The following ENPP5 variants were observed in gnomAD, a reference collection of about 807,000 sequenced individuals.
The protein encoded by ENPP5 is ectonucleotide pyrophosphatase/phosphodiesterase family member 5, also known as E-NPP 5.
In ENPP5, 27 loss-of-function variants were observed where a neutral mutation model predicts 33.7. That is an observed-to-expected ratio of 0.80 (90% CI 0.59 to 1.11). ENPP5 has a LOEUF of 1.11. Among genes scored for constraint, ENPP5 ranks in the 50% least tolerant of loss-of-function variants. The pLI is 0.00. For missense variants in ENPP5, 552 were observed against 579.2 expected, an observed-to-expected ratio of 0.95 and a Z score of 0.48; for synonymous variants, 199 against 200.5, an observed-to-expected ratio of 0.99 and a Z score of 0.06.
At position 46,167,591 on chromosome 6, in the gene ENPP5, C is replaced by T. The variant is rs779258399; in HGVS notation, c.672G>A (p.Lys224=). 6.2e-7 allele frequency: 1 copy of T among 1,614,148 alleles called. No individual in the cohort carries two copies. The highest frequency in any genetic ancestry group is 1.1e-5 in the South Asian group (1 of 91,068). ...KLGYLIQMLK[K]AKLWNTLNLI... ...GGTTCAGAGTGTTCCACAACTTTGC[C>T]TTTTTCAGCATTTGTATGAGATATC... Residue 224 remains lysine, a synonymous_variant, in exon 3 of 5, where the codon AAG becomes AAA. Coordinates refer to ENST00000371383, the MANE Select transcript of ENPP5 (RefSeq NM_001290072.2).
At position 46,167,983 on chromosome 6, in the gene ENPP5, C is replaced by A. The variant is rs138463479; in HGVS notation, c.280G>T (p.Asp94Tyr). ...TTGTTCCGAATAGGATCAAACATAT[C>A]ATTTGCAACAATCCCATGATTCTCT... ...FAENHGIVAN[D>Y]MFDPIRNKSF... The change falls in exon 3 of 5, where the codon GAT becomes TAT. Residue 94 changes from aspartate (D) to tyrosine (Y), a missense_variant. Physicochemically the swap from Asp to Tyr is radical, Grantham distance 160. Coordinates refer to ENST00000371383, the MANE Select transcript of ENPP5 (RefSeq NM_001290072.2). The A allele has an allele frequency of 4.4e-4, 706 of 1,614,188 alleles. 2 individuals are homozygous for A. Among genetic ancestry groups the A allele is most frequent in the Middle Eastern group, 4.3e-3 (26 of 6,062 alleles).
intron 2 of ENPP5, among the ~76,000 whole-genome samples, chr6:46,168,511 C>T (rs1288828300): frequency 2.0e-5 from 3 of 152,114 alleles, no homozygotes; most frequent in Admixed American, 2.0e-4. Flanking sequence ...TTTTTCACTT[C>T]TGAGAATTTA....
In ENPP5 at chr6:46,165,380, T is replaced by C. The variant is rs1253261582; in HGVS notation, c.1006+7A>G. ...CAGAATGGAAAGAAATACTGTAACA[T>C]ACTCACACAGAAAGTCATCTGACTT... On this transcript the variant is annotated splice_region_variant and intron_variant, in intron 4 of 4. Coordinates refer to ENST00000371383, the MANE Select transcript of ENPP5 (RefSeq NM_001290072.2). The C allele has an allele frequency of 1.3e-6, 2 of 1,554,892 alleles. No homozygotes were observed. The highest frequency in any genetic ancestry group is 2.7e-5 in the African/African-American group (2 of 72,766).
intron 4 of ENPP5, 61 bp downstream of exon 4, chr6:46,165,326 A>G: frequency 7.8e-7 from 1 of 1,277,588 alleles, no homozygotes. Context: ...TTATGTATTT[A>G]AACTGTTGTA....
intron 2 of ENPP5, among the ~76,000 whole-genome samples, chr6:46,169,291 T>G (rs1764664443): frequency 6.6e-6 from 1 of 152,214 alleles, no homozygotes; most frequent in Non-Finnish European, 1.5e-5. Context: ...TACCCATTCC[T>G]GCATGAAGGT....
chr6:46,168,152 T>G lies in ENPP5; in HGVS notation c.111A>C (p.Gly37=). The change falls in exon 3 of 5, where the codon GGA becomes GGC. Residue 37 remains glycine, a synonymous_variant. Coordinates refer to ENST00000371383, the MANE Select transcript of ENPP5 (RefSeq NM_001290072.2). ...QQKVLLVSFD[G]FRWDYLYKVP... is the part of the protein sequence containing the mutation. ...CTTTATATAAGTAATCCCAACGGAA[T>G]CCATCAAAAGAAACTAGTAGAACCT... is the stretch of plus-strand genomic sequence containing the variant. The G allele has an allele frequency of 6.2e-7, 1 of 1,613,710 alleles. No individual in the cohort carries two copies. The highest frequency in any genetic ancestry group is 8.5e-7 in the Non-Finnish European group (1 of 1,179,618).
At position 46,168,000 on chromosome 6, in the gene ENPP5, T is replaced by C. The variant is rs149261305; in HGVS notation, c.263A>G (p.His88Arg). ...AAACATATCATTTGCAACAATCCCA[T>C]GATTCTCTGCAAAGAGGCCAGTTAC... ...TLVTGLFAEN[H>R]GIVANDMFDP... is the part of the protein sequence containing the mutation. Residue 88 changes from histidine (H) to arginine (R), a missense_variant, in exon 3 of 5, where the codon CAT becomes CGT. Transcript: ENST00000371383. 3 of 1,614,076 alleles carry C rather than the reference T, an allele frequency of 1.9e-6. No homozygotes were observed. In the African/African-American group the frequency reaches 4.0e-5, roughly 22 times the overall value.
At position 46,161,052 on chromosome 6, in the gene ENPP5, A is replaced by G; in HGVS notation, c.*274T>C. On this transcript the variant is annotated 3_prime_UTR_variant, in exon 5 of 5. Transcript: ENST00000371383. The stretch of plus-strand genomic sequence containing the variant: ...TGCAAAGTTGCTAAATATATACATT[A>G]TCTGCGCCAAGTCCAAATAAAGCAG... 2.5e-6 allele frequency: 1 copy of G among 396,808 alleles called. No individual in the cohort carries two copies. The highest frequency in any genetic ancestry group is 4.6e-6 in the Non-Finnish European group (1 of 216,180). The allele number at this position is 396,808 out of a possible 1,614,324, so 24.6% of individuals were successfully genotyped here.
intron 2 of ENPP5, among the ~76,000 whole-genome samples, chr6:46,169,066 C>G (rs1319335055): frequency 6.6e-6 from 1 of 152,142 alleles, no homozygotes. Flanking sequence ...TTAATCTTAT[C>G]ATTGATAGGT....
rs145768977 is a variant in ENPP5, at chr6:46,167,727, G to T, written c.536C>A (p.Pro179His). Residue 179 changes from proline to histidine, a missense_variant, in exon 3 of 5, where the codon CCC becomes CAC. Coordinates refer to ENST00000371383, the MANE Select transcript of ENPP5 (RefSeq NM_001290072.2). ...CCAATAGAGAAGACCAAGATTTATG[G>T]GCTCTTTTGACGTAAACCATTCAAT... ...KIIEWFTSKE[P>H]INLGLLYWED... The T allele has an allele frequency of 1.9e-5, 31 of 1,613,924 alleles. No homozygotes were observed. In the African/African-American group the frequency reaches 3.3e-4, roughly 17 times the overall value.
Position 46,167,855 on chromosome 6 carries a change from T to C in ENPP5, c.408A>G (p.Ala136=). ...TNQRAGHTSG[A]AMWPGTDVKI... is the part of the protein sequence containing the mutation. ...TTACATCTGTTCCGGGCCACATGGC[T>C]GCACCACTAGTATGTCCTGCCCTCT... The change falls in exon 3 of 5, where the codon GCA becomes GCG. Residue 136 remains alanine (A), a synonymous_variant. Coordinates refer to ENST00000371383, the MANE Select transcript of ENPP5 (RefSeq NM_001290072.2). 6.2e-7 allele frequency: 1 copy of C among 1,614,220 alleles called. No individual in the cohort carries two copies. Among genetic ancestry groups the C allele is most frequent in the Non-Finnish European group, 8.5e-7 (1 of 1,180,042 alleles).
chr6:46,166,224 C>T (rs1314870246), intron 3 of ENPP5, among the ~76,000 whole-genome samples: 5 of 151,412 alleles, frequency 3.3e-5, no homozygotes, highest in Admixed American at 1.3e-4. Context: ...TCCTTCCCTC[C>T]CTCCTCTCTC....
rs771656751 is a variant in ENPP5, at chr6:46,161,456, A to G, written c.1304T>C (p.Ile435Thr). ...YDQEGSYPYFIGVSLGSIIVI... is the reference protein window; with the variant it reads ...YDQEGSYPYFTGVSLGSIIVI... The stretch of plus-strand genomic sequence containing the variant: ...TATAATGCTGCCAAGAGAGACCCCT[A>G]TGAAATAAGGGTATGACCCCTCTTG... The change falls in exon 5 of 5, where the codon ATA (isoleucine) becomes ACA (threonine). Residue 435 changes from isoleucine to threonine, a missense_variant. Ile to Thr is a moderately conservative substitution (Grantham distance 89, BLOSUM62 -1). Coordinates refer to ENST00000371383, the MANE Select transcript of ENPP5 (RefSeq NM_001290072.2). 9.3e-6 allele frequency: 15 copies of G among 1,613,862 alleles called. No homozygotes were observed. The South Asian group carries it at 1.2e-4, about 13-fold the overall frequency.
chr6:46,168,122 T>G lies in ENPP5; in HGVS notation c.141A>C (p.Pro47=). ...TCATAATATAATGAAAATGGGGCGT[T>G]GGAACTTTATATAAGTAATCCCAAC... ...GFRWDYLYKV[P]TPHFHYIMKY... Residue 47 remains proline (P), a synonymous_variant, in exon 3 of 5, where the codon CCA becomes CCC. Transcript: ENST00000371383. 5 of 1,613,966 alleles carry G rather than the reference T, an allele frequency of 3.1e-6. No homozygotes were observed. The highest frequency in any genetic ancestry group is 4.2e-6 in the Non-Finnish European group (5 of 1,179,850).
chr6:46,170,421 A>C (rs77746021), intron 1 of ENPP5, among the ~76,000 whole-genome samples: 5,086 of 151,936 alleles, frequency 0.033, 124 homozygotes, highest in Non-Finnish European at 0.052. Flanking sequence ...AAAATGCTGC[A>C]CAAAACAGTG....
chr6:46,167,948 G>C lies in ENPP5; in HGVS notation c.315C>G (p.Ser105=). The C allele has an allele frequency of 6.2e-7, 1 of 1,614,136 alleles. No homozygotes were observed. The highest frequency in any genetic ancestry group is 8.5e-7 in the Non-Finnish European group (1 of 1,180,038). ...AATCATAAATATTCATGTGATCCAA[G>C]GAGAAAGATTTGTTCCGAATAGGAT... ...MFDPIRNKSF[S]LDHMNIYDSK... Residue 105 remains serine, a synonymous_variant, in exon 3 of 5, where the codon TCC becomes TCG. Coordinates refer to ENST00000371383, the MANE Select transcript of ENPP5 (RefSeq NM_001290072.2).
chr6:46,164,365 G>C (rs1010264869), intron 4 of ENPP5, among the ~76,000 whole-genome samples: 1 of 152,238 alleles, frequency 6.6e-6, no homozygotes, highest in Admixed American at 6.5e-5. Flanking sequence ...CAGCTGATGT[G>C]GATGCTGGTG....
intron 4 of ENPP5, among the ~76,000 whole-genome samples, chr6:46,164,054 A>C (rs1233695060): frequency 1.3e-5 from 2 of 152,222 alleles, no homozygotes; most frequent in African/African-American, 4.8e-5. Flanking sequence ...TTCATGTCTA[A>C]AACACCAAAA....
At chr6:46,165,337 T>G in intron 4 of ENPP5, 50 bp downstream of exon 4, 2 of 1,409,262 alleles carry the variant, frequency 1.4e-6, no homozygotes, top group Non-Finnish European at 1.9e-6. Flanking sequence ...AACTGTTGTA[T>G]TTTAGCAAAA....
Sources: gnomAD v4.1 joint callset for allele counts (sites outside exome capture counted in the v4.1 genomes callset) on GRCh38, gnomAD v4.1.1 for gene constraint, MANE v1.5 for transcripts, NCBI Gene and HGNC (gene_info 2026-07-23, HGNC 2026-07-21) for gene names.